TMEM242: variants seen among roughly 807,000 people sequenced by gnomAD.
TMEM242 encodes transmembrane protein 242.
TMEM242 carries 10 observed loss-of-function variants against 18.2 expected under a neutral mutation model. The observed-to-expected ratio is 0.55, with a 90% CI of 0.34 to 0.93. The LOEUF (loss-of-function observed/expected upper bound fraction) is 0.93, where lower values mean the gene tolerates loss of function less well. Ranked by LOEUF, TMEM242 falls within the 40% of genes least tolerant of loss-of-function variation. The probability of loss-of-function intolerance (pLI) is 0.02; values close to 1 mark genes in which losing one functional copy is unlikely to be tolerated. For synonymous variants in TMEM242, 57 were observed against 69.9 expected (o/e 0.81, Z 0.92); for missense variants, 186 against 175.5 (o/e 1.06, Z -0.34).
chr6:157,311,253 C>G (rs200035847), intron 3 of TMEM242, among the ~76,000 whole-genome samples: 1 of 49,824 alleles, frequency 2.0e-5, no homozygotes, highest in Non-Finnish European at 4.0e-5. Flanking sequence ...AGTGTGCGCT[C>G]ACCTAGCCTC....
chr6:157,305,574 C>T lies in TMEM242; in HGVS notation c.328-12575G>A, dbSNP rs891761427. ...GATAGTACTGTTTGTTTTAAAGTGG[C>T]AGGGACTGGACGAAAGAGCCAAGGG... On this transcript the variant is annotated intron_variant, in intron 3 of 3. Coordinates refer to ENST00000400788, the MANE Select transcript of TMEM242 (RefSeq NM_018452.6). This position sits in a 1 kb window ranked among gnomAD's most constrained non-coding sequence, Gnocchi z 4.1. 5.3e-5 allele frequency among the ~76,000 whole-genome samples: 8 copies of T among 152,082 alleles called. No individual in the cohort carries two copies. Among genetic ancestry groups the T allele is most frequent in the African/African-American group, 1.7e-4 (7 of 41,394 alleles).
At chr6:157,313,436 A>G (rs139273292) in intron 3 of TMEM242, among the ~76,000 whole-genome samples, 204 of 9,652 alleles carry the variant, frequency 0.021, 1 homozygote, top group Middle Eastern at 0.083. Flanking sequence ...TGGCCTCATC[A>G]TAGTGCCCCA....
intron 3 of TMEM242, among the ~76,000 whole-genome samples, chr6:157,313,428 G>A (rs1554249763): frequency 2.7e-4 from 35 of 128,676 alleles, no homozygotes; most frequent in East Asian, 1.5e-3. Flanking sequence ...CGCTCACCTG[G>A]CCTCATCATA....
Position 157,292,587 on chromosome 6 carries a change from A to C in TMEM242, c.*314T>G. Reference sequence around the variant, plus strand: ...ATTTTCTTATCATACTTTTATTATAAACTTTTTTAGTATGAAATTTGCTTC... The same window carrying C: ...ATTTTCTTATCATACTTTTATTATACACTTTTTTAGTATGAAATTTGCTTC... On this transcript the variant is annotated 3_prime_UTR_variant, in exon 4 of 4. Coordinates refer to ENST00000400788, the MANE Select transcript of TMEM242 (RefSeq NM_018452.6). 4.4e-6 allele frequency: 1 copy of C among 226,406 alleles called. No homozygotes were observed. Among genetic ancestry groups the C allele is most frequent in the Non-Finnish European group, 8.5e-6 (1 of 117,074 alleles). The allele number at this position is 226,406 out of a possible 1,614,324, so 14.0% of individuals were successfully genotyped here. A position where few individuals can be genotyped will look rare whatever the true frequency, so the allele number is the denominator to read the frequency against.
intron 3 of TMEM242, among the ~76,000 whole-genome samples, chr6:157,317,956 A>G (rs1447362006): frequency 6.6e-6 from 1 of 152,198 alleles, no homozygotes; most frequent in Non-Finnish European, 1.5e-5. Context: ...GGTCCACAGA[A>G]CTTCCAACCA....
rs1200573402 is a variant in TMEM242 at position 157,305,490 on chromosome 6, AT to A, written c.328-12492del. Among the ~76,000 whole-genome samples the A allele has an allele frequency of 2.6e-5, 4 of 152,164 alleles. No individual in the cohort carries two copies. The highest frequency in any genetic ancestry group is 9.7e-5 in the African/African-American group (4 of 41,436). ...GTGTCATATTGTGAGGGCACACAAT[AT>A]GAAGCAGAGACGCCGATCTGAAGGT... is the stretch of plus-strand genomic sequence containing the variant. On this transcript the variant is annotated intron_variant, in intron 3 of 3. Transcript: ENST00000400788. This position sits in a 1 kb window ranked among gnomAD's most constrained non-coding sequence, Gnocchi z 4.1.
rs1554248457 is a variant in TMEM242, at chr6:157,310,812, G to C, written c.327+7970C>G. Among the ~76,000 whole-genome samples the C allele has an allele frequency of 7.6e-3, 1,129 of 148,256 alleles. 3 individuals are homozygous for C. The highest frequency in any genetic ancestry group is 0.027 in the African/African-American group (1,060 of 38,680). On this transcript the variant is annotated intron_variant, in intron 3 of 3. Transcript: ENST00000400788. ...CACCCGGCCTCATCATAGGGTCCCA[G>C]TGTGCACTCACCCGGCCTCATCATA...
intron 3 of TMEM242, among the ~76,000 whole-genome samples, chr6:157,302,674 G>C (rs782081341): frequency 1.3e-5 from 2 of 152,202 alleles, no homozygotes; most frequent in Non-Finnish European, 2.9e-5. Flanking sequence ...AGCATATTTA[G>C]GTCTACTCAA....
intron 3 of TMEM242, 166 bp downstream of exon 3, chr6:157,318,616 A>G: frequency 1.4e-6 from 1 of 691,062 alleles, no homozygotes; most frequent in Non-Finnish European, 2.4e-6. Flanking sequence ...TTTATTAGTA[A>G]TAAGAAGTTG....
At chr6:157,309,179 T>C (rs1394387830) in intron 3 of TMEM242, among the ~76,000 whole-genome samples, 3 of 152,204 alleles carry the variant, frequency 2.0e-5, no homozygotes, top group African/African-American at 7.2e-5. Flanking sequence ...TACAACTCTA[T>C]GAATATGCCT....
chr6:157,298,009 T>C (rs908644073), intron 3 of TMEM242, among the ~76,000 whole-genome samples: 9 of 152,234 alleles, frequency 5.9e-5, no homozygotes, highest in African/African-American at 1.9e-4. Flanking sequence ...AAAGCACACA[T>C]GTAACTTTCT....
Position 157,322,328 on chromosome 6 carries a change from G to A in TMEM242, c.189+377C>T, listed in dbSNP as rs948856457. Among the ~76,000 whole-genome samples the A allele has an allele frequency of 6.6e-5, 10 of 151,892 alleles. No homozygotes were observed. The East Asian group carries it at 1.9e-3, about 29-fold the overall frequency. On this transcript the variant is annotated intron_variant, in intron 2 of 3. Transcript: ENST00000400788. Reference sequence around the variant, plus strand: ...GTATTTTTAGTAGAGATGGGTTTTCGCCATGTTGGCCAGGCTGGTCTCAAA... The same window carrying A: ...GTATTTTTAGTAGAGATGGGTTTTCACCATGTTGGCCAGGCTGGTCTCAAA...
chr6:157,314,580 T>C (rs753851390), intron 3 of TMEM242, among the ~76,000 whole-genome samples: 9 of 152,226 alleles, frequency 5.9e-5, no homozygotes, highest in Non-Finnish European at 5.9e-5. Context: ...GCAGGGTAGA[T>C]ACTGAACTGG....
intron 3 of TMEM242, among the ~76,000 whole-genome samples, chr6:157,313,267 A>T (rs1554249678): frequency 4.0e-5 from 6 of 148,670 alleles, no homozygotes; most frequent in Non-Finnish European, 3.0e-5. Context: ...TGGCCTCATC[A>T]TAGTGTCCCA....
intron 3 of TMEM242, among the ~76,000 whole-genome samples, chr6:157,315,942 GAATA>G (rs1404821643): frequency 3.3e-5 from 5 of 152,140 alleles, no homozygotes; most frequent in African/African-American, 1.2e-4. Flanking sequence ...TAATAATTAT[GAATA>G]AAAAATTGGA....
chr6:157,313,364 T>C (rs1554249726), intron 3 of TMEM242, among the ~76,000 whole-genome samples: 1 of 141,982 alleles, frequency 7.0e-6, no homozygotes, highest in African/African-American at 2.7e-5. Flanking sequence ...TCACCTGGCC[T>C]CATCATAGTG....
Position 157,291,040 on chromosome 6 carries a change from T to C in TMEM242, c.*1861A>G, listed in dbSNP as rs1005610586. On this transcript the variant is annotated 3_prime_UTR_variant, in exon 4 of 4. Coordinates refer to ENST00000400788, the MANE Select transcript of TMEM242 (RefSeq NM_018452.6). ...TCCTAGGGCCTAGCTGCCATCAGCC[T>C]GATGTGCAGCAGCCTCTGCAGCGGT... 1 of 152,310 alleles carries C rather than the reference T, an allele frequency of 6.6e-6. No homozygotes were observed. The highest frequency in any genetic ancestry group is 1.5e-5 in the Non-Finnish European group (1 of 68,096). 9.4% of individuals were successfully genotyped at this position (152,310 alleles called of 1,614,324 possible).
intron 3 of TMEM242, among the ~76,000 whole-genome samples, chr6:157,312,185 A>T (rs1554249156): frequency 4.3e-4 from 63 of 147,342 alleles, no homozygotes; most frequent in South Asian, 8.7e-4. Context: ...CGGCCTCATC[A>T]TAGTGTCCCA....
chr6:157,312,560 C>T (rs1583569351), intron 3 of TMEM242, among the ~76,000 whole-genome samples: 3 of 150,646 alleles, frequency 2.0e-5, no homozygotes, highest in African/African-American at 7.3e-5. Flanking sequence ...ATCATAGTGC[C>T]CCAGTGTACG....
Sources: allele counts gnomAD v4.1 joint callset (sites outside exome capture counted in the v4.1 genomes callset), GRCh38; gene constraint gnomAD v4.1.1; non-coding constraint Gnocchi (gnomAD v3.1); transcripts MANE v1.5; gene names NCBI Gene and HGNC (gene_info 2026-07-23, HGNC 2026-07-21).